Variants in NTRK2 observed in about 807,000 individuals in gnomAD.
NTRK2 encodes the protein BDNF/NT-3 growth factors receptor.
NTRK2 carries 13 observed loss-of-function variants against 94.5 expected under a neutral mutation model. The ratio of observed to expected loss-of-function variants is 0.14; its 90% confidence interval spans 0.09 to 0.22. The LOEUF (loss-of-function observed/expected upper bound fraction) is 0.22. Ranked by LOEUF, NTRK2 falls within the 10% of genes least tolerant of loss-of-function variation. The probability of loss-of-function intolerance (pLI) is 1.00; values close to 1 mark genes in which losing one functional copy is unlikely to be tolerated. For missense variants in NTRK2, 639 were observed against 1,071.2 expected (o/e 0.60, Z 5.63); for synonymous variants, 372 against 407.4 (o/e 0.91, Z 1.05).
chr9:84,681,492 C>T (rs1024276726), intron 2 of NTRK2, among the ~76,000 whole-genome samples: 1 of 152,134 alleles, frequency 6.6e-6, no homozygotes, highest in African/African-American at 2.4e-5. Context: ...ATGTTGGGAA[C>T]TAGCTAGGTA....
Position 84,989,237 on chromosome 9 carries a change from G to A in NTRK2, c.2173-30969G>A, listed in dbSNP as rs113307917. On this transcript the variant is annotated intron_variant, in intron 17 of 18. Coordinates refer to ENST00000277120, the MANE Select transcript of NTRK2 (RefSeq NM_006180.6). ...CTTGGTTACATGCCTTTTGTTTGAG[G>A]CACTAAATACTTCTCTGAAAATTAT... Among the ~76,000 whole-genome samples the A allele has an allele frequency of 2.2e-3, 341 of 152,218 alleles. 1 individual carries two copies. The highest frequency in any genetic ancestry group is 7.8e-3 in the African/African-American group (323 of 41,532).
At chr9:84,882,708 G>GTGTA (rs1443509461) in intron 14 of NTRK2, among the ~76,000 whole-genome samples, 6 of 149,468 alleles carry the variant, frequency 4.0e-5, no homozygotes, top group Non-Finnish European at 8.9e-5. Context: ...GTGTGTGTGT[G>GTGTA]TGTGTGTGTG....
intron 11 of NTRK2, among the ~76,000 whole-genome samples, chr9:84,749,508 A>G (rs1159289036): frequency 1.3e-5 from 2 of 152,192 alleles, no homozygotes; most frequent in Non-Finnish European, 2.9e-5. Flanking sequence ...CACAGGATTT[A>G]TACTTGGGCA....
Position 84,736,840 on chromosome 9 carries a change from G to A in NTRK2, c.1160-5052G>A, listed in dbSNP as rs77708649. Among the ~76,000 whole-genome samples the A allele has an allele frequency of 9.7e-3, 1,477 of 152,314 alleles. 21 individuals are homozygous for A. The highest frequency in any genetic ancestry group is 0.034 in the African/African-American group (1,404 of 41,558). On this transcript the variant is annotated intron_variant, in intron 9 of 18. Transcript: ENST00000277120. ...ACTCCCACTGCTATATAGCAAATGA[G>A]TGGTTCAGCCAGAAAGGAAACCAGA...
At chr9:84,854,942 G>T (rs188606537) in intron 12 of NTRK2, among the ~76,000 whole-genome samples, 45 of 78,814 alleles carry the variant, frequency 5.7e-4, no homozygotes, top group Admixed American at 4.5e-3. Context: ...GCGAGACTCC[G>T]TCTCAAAAAA....
chr9:84,968,271 A>G (rs1825789109), intron 17 of NTRK2, among the ~76,000 whole-genome samples: 1 of 152,172 alleles, frequency 6.6e-6, no homozygotes, highest in African/African-American at 2.4e-5. Context: ...TGCCCTCAGC[A>G]CACCCCTGGC....
At chr9:84,933,600 G>T (rs2078113830) in intron 14 of NTRK2, among the ~76,000 whole-genome samples, 1 of 152,198 alleles carries the variant, frequency 6.6e-6, no homozygotes, top group African/African-American at 2.4e-5. Context: ...TCCAAACAAA[G>T]GAAGTCAGTG....
chr9:84,694,984 T>C (rs1486464075), intron 2 of NTRK2, among the ~76,000 whole-genome samples: 2 of 136,906 alleles, frequency 1.5e-5, no homozygotes, highest in Admixed American at 1.7e-4. Context: ...GAGACCATCC[T>C]GGGGAGCTTG....
At chr9:84,916,257 C>A (rs1296297061) in intron 14 of NTRK2, among the ~76,000 whole-genome samples, 1 of 151,994 alleles carries the variant, frequency 6.6e-6, no homozygotes, top group Admixed American at 6.6e-5. Flanking sequence ...TAAAATGGAA[C>A]CATTTGAAGA....
At chr9:84,832,320 C>T (rs1564364854) in intron 12 of NTRK2, among the ~76,000 whole-genome samples, 1 of 152,160 alleles carries the variant, frequency 6.6e-6, no homozygotes, top group African/African-American at 2.4e-5. Context: ...CAAAGGTTTA[C>T]GTCCTCACAG....
rs1275926762 is a variant in NTRK2 at position 84,916,096 on chromosome 9, G to T, written c.1634-18066G>T. Among the ~76,000 whole-genome samples, 5 of 151,820 alleles carry T rather than the reference G, an allele frequency of 3.3e-5. No individual in the cohort carries two copies. The East Asian group carries it at 9.8e-4, about 30-fold the overall frequency. ...GTCCACAACGTGCAGTGCTACAAAG[G>T]GTAGGTCAAGTCTACCTCTGTTCCA... On this transcript the variant is annotated intron_variant, in intron 14 of 18. Transcript: ENST00000277120.
rs114377690 is a variant in NTRK2 at position 84,958,546 on chromosome 9, C to T, written c.2172+3029C>T. On this transcript the variant is annotated intron_variant, in intron 17 of 18. Coordinates refer to ENST00000277120, the MANE Select transcript of NTRK2 (RefSeq NM_006180.6). Reference sequence around the variant, plus strand: ...GTCACTAAGAAATGTGCTCCAGATGCCATGTTAATTTCACCCCCGTGGCCA... The same window carrying T: ...GTCACTAAGAAATGTGCTCCAGATGTCATGTTAATTTCACCCCCGTGGCCA... Among the ~76,000 whole-genome samples, 400 of 152,226 alleles carry T rather than the reference C, an allele frequency of 2.6e-3. 3 individuals carry two copies. The highest frequency in any genetic ancestry group is 9.2e-3 in the African/African-American group (381 of 41,530).
At chr9:84,781,204 T>C (rs1424002131) in intron 12 of NTRK2, among the ~76,000 whole-genome samples, 1 of 152,182 alleles carries the variant, frequency 6.6e-6, no homozygotes, top group Non-Finnish European at 1.5e-5. Flanking sequence ...AGAAAGGTGA[T>C]AGGAGTTTTG....
chr9:84,893,956 A>G (rs536759736), intron 14 of NTRK2, among the ~76,000 whole-genome samples: 3 of 152,278 alleles, frequency 2.0e-5, no homozygotes, highest in South Asian at 4.2e-4. Flanking sequence ...GGTAACACAG[A>G]TGGAATGTGC....
At chr9:84,823,858 T>C (rs1459545464) in intron 12 of NTRK2, among the ~76,000 whole-genome samples, 3 of 152,230 alleles carry the variant, frequency 2.0e-5, no homozygotes, top group Non-Finnish European at 4.4e-5. Context: ...GCTCGTGGCT[T>C]TCAGACGTGG....
intron 17 of NTRK2, among the ~76,000 whole-genome samples, chr9:85,004,002 AAG>A (rs1239667861): frequency 7.0e-6 from 1 of 143,722 alleles, no homozygotes; most frequent in Non-Finnish European, 1.5e-5. Context: ...GAAAGAAAGA[AAG>A]AAAGAAAAGA....
chr9:84,872,437 C>G (rs1387182367), intron 14 of NTRK2: 1 of 1,075,578 alleles, frequency 9.3e-7, no homozygotes, highest in Non-Finnish European at 1.1e-6. Context: ...TTCTGTCTTC[C>G]CTAGAGCAGC....
At chr9:84,835,336 C>T (rs983240851) in intron 12 of NTRK2, among the ~76,000 whole-genome samples, 1 of 152,118 alleles carries the variant, frequency 6.6e-6, no homozygotes, top group Non-Finnish European at 1.5e-5. Flanking sequence ...CTGTGCATGA[C>T]CCTTTGTTTC....
intron 17 of NTRK2, among the ~76,000 whole-genome samples, chr9:84,996,925 G>C (rs1284792256): frequency 6.6e-6 from 1 of 152,178 alleles, no homozygotes; most frequent in Non-Finnish European, 1.5e-5. Context: ...TTCTGTGGCT[G>C]TTTCATGGCT....
Sources: allele counts gnomAD v4.1 joint callset (sites outside exome capture counted in the v4.1 genomes callset), GRCh38; gene constraint gnomAD v4.1.1; transcripts MANE v1.5; gene names NCBI Gene and HGNC (gene_info 2026-07-23, HGNC 2026-07-21).